The following SUMF1 variants were observed in gnomAD, a reference collection of about 807,000 sequenced individuals.
SUMF1 encodes formylglycine-generating enzyme.
SUMF1 carries 48 observed loss-of-function variants against 47.6 expected under a neutral mutation model. That is an observed-to-expected ratio of 1.01 (90% CI 0.80 to 1.28). The LOEUF (loss-of-function observed/expected upper bound fraction) is 1.28, where lower values mean the gene tolerates loss of function less well. Among genes scored for constraint, SUMF1 ranks in the 50% most tolerant of loss-of-function variants. The pLI, the probability that SUMF1 is intolerant of heterozygous loss-of-function variation, is 0.00. For synonymous variants in SUMF1, 230 were observed against 192.1 expected, an observed-to-expected ratio of 1.20 and a Z score of -1.63; for missense variants, 571 against 485.4, an observed-to-expected ratio of 1.18 and a Z score of -1.66.
chr3:4,203,394 T>C (rs7624508), intron 8 of SUMF1, among the ~76,000 whole-genome samples: 6,720 of 152,072 alleles, frequency 0.044, 427 homozygotes, highest in East Asian at 0.18. Flanking sequence ...GTAATATAAA[T>C]ATAGCTACTC....
Position 4,217,756 on chromosome 3 carries a change from T to A in SUMF1, c.1015-149011A>T, listed in dbSNP as rs568688522. ...TTGAACCACAAAATTTCTTAGCTAT[T>A]TTTTTTTAAAACACAAGAAAAGAAT... On this transcript the variant is annotated intron_variant and NMD_transcript_variant, in intron 8 of 12. Coordinates refer to the SUMF1 transcript ENST00000448413. 2.4e-3 allele frequency among the ~76,000 whole-genome samples: 71 copies of A among 29,630 alleles called. No homozygotes were observed. In the East Asian group the frequency reaches 0.03, roughly 12 times the overall value. 19.4% of individuals were successfully genotyped at this position (29,630 alleles called of 152,430 possible).
chr3:4,334,139 T>C (rs1013730022), intron 8 of SUMF1, among the ~76,000 whole-genome samples: 1 of 151,634 alleles, frequency 6.6e-6, no homozygotes, highest in African/African-American at 2.4e-5. Flanking sequence ...AAAAAAAAAG[T>C]TTAAGTCAAC....
intron 8 of SUMF1, among the ~76,000 whole-genome samples, chr3:4,294,933 G>C (rs576033676): frequency 2.0e-5 from 3 of 152,270 alleles, no homozygotes; most frequent in African/African-American, 7.2e-5. Context: ...TTCCTACGTA[G>C]AGATCCGTCT....
chr3:4,170,154 C>T (rs1406705752), intron 8 of SUMF1, among the ~76,000 whole-genome samples: 1 of 152,090 alleles, frequency 6.6e-6, no homozygotes, highest in Non-Finnish European at 1.5e-5. Flanking sequence ...TGTTTTTGTG[C>T]TACAACAGTA....
intron 8 of SUMF1, among the ~76,000 whole-genome samples, chr3:4,112,064 CT>C (rs1693320715): frequency 6.6e-6 from 1 of 152,032 alleles, no homozygotes; most frequent in Non-Finnish European, 1.5e-5. Flanking sequence ...ATTATTACCC[CT>C]CATTTTGTTT....
At chr3:4,322,312 TCATAG>T (rs1698854081) in intron 8 of SUMF1, among the ~76,000 whole-genome samples, 1 of 152,010 alleles carries the variant, frequency 6.6e-6, no homozygotes, top group Non-Finnish European at 1.5e-5. Context: ...ATGTATAATA[TCATAG>T]GTATGTATCA....
chr3:4,381,188 C>T (rs769183805), intron 7 of SUMF1, among the ~76,000 whole-genome samples: 2 of 152,140 alleles, frequency 1.3e-5, no homozygotes, highest in African/African-American at 2.4e-5. Context: ...GCACCACTAG[C>T]GACCTGGATG....
At chr3:4,138,955 T>G (rs1211295594) in intron 8 of SUMF1, among the ~76,000 whole-genome samples, 1 of 152,100 alleles carries the variant, frequency 6.6e-6, no homozygotes, top group Non-Finnish European at 1.5e-5. Context: ...CATAGTATGG[T>G]AATGAGCATT....
At chr3:4,223,196 G>A (rs1696105509) in intron 8 of SUMF1, among the ~76,000 whole-genome samples, 1 of 152,126 alleles carries the variant, frequency 6.6e-6, no homozygotes. Context: ...CTGCTTGTCT[G>A]GCTTCTTCTC....
At chr3:4,460,610 G>C (rs1205518669) in intron 1 of SUMF1, among the ~76,000 whole-genome samples, 1 of 149,068 alleles carries the variant, frequency 6.7e-6, no homozygotes, top group African/African-American at 2.5e-5. Context: ...GTGTGTGTGT[G>C]TGTGTGTGTG....
At chr3:4,270,754 C>G (rs894293797) in intron 8 of SUMF1, among the ~76,000 whole-genome samples, 4 of 151,776 alleles carry the variant, frequency 2.6e-5, no homozygotes, top group Non-Finnish European at 4.4e-5. Context: ...CTGGCTTTGC[C>G]AAGCAAAAAA....
At chr3:4,215,617 G>A (rs1695904984) in intron 8 of SUMF1, among the ~76,000 whole-genome samples, 1 of 152,172 alleles carries the variant, frequency 6.6e-6, no homozygotes, top group Non-Finnish European at 1.5e-5. Flanking sequence ...TCTGTTTGCA[G>A]ATGACATGAT....
chr3:4,299,804 C>T (rs1055413720), intron 8 of SUMF1, among the ~76,000 whole-genome samples: 1 of 151,896 alleles, frequency 6.6e-6, no homozygotes, highest in African/African-American at 2.4e-5. Flanking sequence ...AGTGAGACTC[C>T]ACCTCAAAAA....
At chr3:4,343,163 T>C (rs1044443045) in intron 8 of SUMF1, among the ~76,000 whole-genome samples, 3 of 152,136 alleles carry the variant, frequency 2.0e-5, no homozygotes, top group Non-Finnish European at 1.5e-5. Flanking sequence ...AGATGGGAGA[T>C]GGGAGAGAGG....
intron 8 of SUMF1, among the ~76,000 whole-genome samples, chr3:4,246,565 C>A (rs139190233): frequency 6.6e-6 from 1 of 152,180 alleles, no homozygotes; most frequent in East Asian, 1.9e-4. Context: ...CCATGCCCGG[C>A]TAATTATTGT....
intron 8 of SUMF1, among the ~76,000 whole-genome samples, chr3:4,290,210 A>G (rs893270748): frequency 3.9e-5 from 6 of 152,228 alleles, no homozygotes; most frequent in African/African-American, 1.4e-4. Context: ...TGTCAAACAT[A>G]TTCACTCAGT....
At chr3:4,137,932 C>G (rs1211355018) in intron 8 of SUMF1, among the ~76,000 whole-genome samples, 1 of 149,276 alleles carries the variant, frequency 6.7e-6, no homozygotes, top group African/African-American at 2.4e-5. Context: ...CACACACACA[C>G]ATTATTAGAA....
intron 8 of SUMF1, among the ~76,000 whole-genome samples, chr3:4,241,132 A>G (rs911241331): frequency 4.6e-5 from 7 of 152,152 alleles, no homozygotes; most frequent in African/African-American, 1.7e-4. Context: ...AGGAACTACA[A>G]GGTAAGGATA....
At chr3:4,323,028 T>C (rs1220280358) in intron 8 of SUMF1, among the ~76,000 whole-genome samples, 1 of 152,146 alleles carries the variant, frequency 6.6e-6, no homozygotes, top group African/African-American at 2.4e-5. Flanking sequence ...ATAGTATCCA[T>C]ACAGTGAAAT....
Sources: allele counts gnomAD v4.1 joint callset (sites outside exome capture counted in the v4.1 genomes callset), GRCh38; gene constraint gnomAD v4.1.1; transcripts MANE v1.5; gene names NCBI Gene and HGNC (gene_info 2026-07-23, HGNC 2026-07-21).